GRIA3: variants seen among roughly 807,000 people sequenced by gnomAD.
GRIA3 encodes glutamate receptor 3.
In GRIA3, 3 loss-of-function variants were observed where a neutral mutation model predicts 63.0. The ratio of observed to expected loss-of-function variants is 0.05; its 90% CI spans 0.02 to 0.12. The LOEUF (loss-of-function observed/expected upper bound fraction) is 0.12, where lower values mean the gene tolerates loss of function less well. Among genes scored for constraint, GRIA3 ranks in the 10% least tolerant of loss-of-function variants. The probability of loss-of-function intolerance (pLI) is 1.00; values close to 1 mark genes in which losing one functional copy is unlikely to be tolerated. For missense variants in GRIA3, 347 were observed against 700.9 expected (o/e 0.50, Z 5.70); for synonymous variants, 274 against 257.9 (o/e 1.06, Z -0.60).
At chrX:123,474,458 C>T (rs111560512) in intron 13 of GRIA3, among the ~76,000 whole-genome samples, 15 of 111,209 alleles carry the variant, frequency 1.3e-4, no homozygotes, top group Non-Finnish European at 2.1e-4. Context: ...CTGAGGTGGG[C>T]GGATCACAAG....
chrX:123,320,201 A>G (rs1014777188), intron 3 of GRIA3, among the ~76,000 whole-genome samples: 2 of 111,740 alleles, frequency 1.8e-5, no homozygotes, highest in African/African-American at 6.5e-5. Flanking sequence ...GGCCCCTGAG[A>G]TACCCCATAT....
At chrX:123,275,968 C>T (rs776130585) in intron 3 of GRIA3, among the ~76,000 whole-genome samples, 1 of 112,101 alleles carries the variant, frequency 8.9e-6, no homozygotes, top group Non-Finnish European at 1.9e-5. Context: ...ATACATTTCC[C>T]CCAAACATAC....
In GRIA3 at chrX:123,268,076, G is replaced by A. The variant is rs187758933; in HGVS notation, c.508+14534G>A. The stretch of plus-strand genomic sequence containing the variant: ...AGATCCTTGTTCCTGAGACTATAAT[G>A]TCTGACGGACACAAATAAAGAATAA... On this transcript the variant is annotated intron_variant, in intron 3 of 15. Coordinates refer to ENST00000620443, the MANE Select transcript of GRIA3 (RefSeq NM_007325.5). 4.5e-5 allele frequency among the ~76,000 whole-genome samples: 5 copies of A among 111,744 alleles called. No individual in the cohort carries two copies. In the East Asian group the frequency reaches 1.4e-3, roughly 31 times the overall value.
intron 5 of GRIA3, among the ~76,000 whole-genome samples, chrX:123,370,782 CAT>C (rs762981165): frequency 1.3e-3 from 138 of 107,519 alleles, no homozygotes; most frequent in African/African-American, 4.4e-3. Context: ...ATATATGTGT[CAT>C]ATATATATAT....
At chrX:123,347,863 A>T (rs2045062838) in intron 4 of GRIA3, among the ~76,000 whole-genome samples, 1 of 112,045 alleles carries the variant, frequency 8.9e-6, no homozygotes. Flanking sequence ...TTACAAGTTT[A>T]AACACTGTAA....
At chrX:123,434,772 C>T (rs2045636056) in intron 12 of GRIA3, among the ~76,000 whole-genome samples, 1 of 111,588 alleles carries the variant, frequency 9.0e-6, no homozygotes, top group Non-Finnish European at 1.9e-5. Context: ...GGCTCCATAG[C>T]TCTTCCTTTC....
At chrX:123,274,569 ACTGTT>A (rs1484654485) in intron 3 of GRIA3, among the ~76,000 whole-genome samples, 6 of 112,536 alleles carry the variant, frequency 5.3e-5, no homozygotes, top group African/African-American at 1.9e-4. Flanking sequence ...GCTATGCTAT[ACTGTT>A]CTGTTCTATT....
At chrX:123,263,013 A>C (rs767946776) in intron 3 of GRIA3, among the ~76,000 whole-genome samples, 1 of 112,219 alleles carries the variant, frequency 8.9e-6, no homozygotes, top group East Asian at 2.8e-4. Context: ...AAGCAATTAC[A>C]GGGCTGTTGA....
At chrX:123,353,399 C>G (rs2045111567) in intron 4 of GRIA3, among the ~76,000 whole-genome samples, 1 of 112,101 alleles carries the variant, frequency 8.9e-6, no homozygotes, top group Non-Finnish European at 1.9e-5. Context: ...CTCTCTCTGA[C>G]TGAAATTCCT....
At chrX:123,253,249 T>A in intron 2 of GRIA3, 54 bp from the exon 3 acceptor site, 1 of 1,192,982 alleles carries the variant, frequency 8.4e-7, no homozygotes, top group Middle Eastern at 2.8e-4. Context: ...ACCCTACAAG[T>A]TGCAGCAAAG....
intron 11 of GRIA3, among the ~76,000 whole-genome samples, chrX:123,419,961 T>C (rs1240394002): frequency 8.9e-6 from 1 of 112,137 alleles, no homozygotes; most frequent in African/African-American, 3.2e-5. Flanking sequence ...GCAAATTTTA[T>C]CTAAGAAAAG....
chrX:123,356,492 A>G (rs2045134695), intron 5 of GRIA3, among the ~76,000 whole-genome samples: 1 of 111,770 alleles, frequency 8.9e-6, no homozygotes, highest in African/African-American at 3.2e-5. Context: ...TTTTTATTTT[A>G]ATGAAAATAT....
At chrX:123,309,144 G>T (rs893149255) in intron 3 of GRIA3, among the ~76,000 whole-genome samples, 2 of 111,446 alleles carry the variant, frequency 1.8e-5, no homozygotes, top group Non-Finnish European at 3.8e-5. Flanking sequence ...CAACATTTTG[G>T]GAGGCTGAGG....
At chrX:123,220,046 A>T (rs1239931723) in intron 2 of GRIA3, among the ~76,000 whole-genome samples, 4 of 112,357 alleles carry the variant, frequency 3.6e-5, no homozygotes, top group Non-Finnish European at 7.5e-5. Context: ...GGCTATGGGC[A>T]TGATGGGCCA....
At chrX:123,379,389 G>A (rs753119417) in intron 5 of GRIA3, among the ~76,000 whole-genome samples, 6 of 110,996 alleles carry the variant, frequency 5.4e-5, no homozygotes, top group Non-Finnish European at 7.5e-5. Context: ...CTTAAAATTC[G>A]AAAGCAAAGA....
At chrX:123,473,605 AG>A (rs1337115666) in intron 13 of GRIA3, among the ~76,000 whole-genome samples, 1 of 111,439 alleles carries the variant, frequency 9.0e-6, no homozygotes, top group Non-Finnish European at 1.9e-5. Flanking sequence ...TAAAAGAGTT[AG>A]CAAAAGAGAG....
intron 2 of GRIA3, among the ~76,000 whole-genome samples, chrX:123,220,420 T>G (rs968464230): frequency 1.8e-4 from 20 of 112,393 alleles, no homozygotes; most frequent in Non-Finnish European, 1.9e-4. Flanking sequence ...AGAATGGTGA[T>G]AGTTAATCAG....
At chrX:123,289,740 C>A (rs2044644183) in intron 3 of GRIA3, among the ~76,000 whole-genome samples, 1 of 110,216 alleles carries the variant, frequency 9.1e-6, no homozygotes, top group Non-Finnish European at 1.9e-5. Context: ...AGGCTCCTCC[C>A]TCCTTCACCC....
chrX:123,339,500 C>A (rs1396580647), intron 4 of GRIA3, among the ~76,000 whole-genome samples: 1 of 111,777 alleles, frequency 8.9e-6, no homozygotes, highest in Non-Finnish European at 1.9e-5. Flanking sequence ...AGGGAAGCAG[C>A]CAAGTAAACA....
Sources: allele counts gnomAD v4.1 joint callset (sites outside exome capture counted in the v4.1 genomes callset), GRCh38; gene constraint gnomAD v4.1.1; transcripts MANE v1.5; gene names NCBI Gene and HGNC (gene_info 2026-07-23, HGNC 2026-07-21).